Variants in GLI3 observed in about 807,000 individuals in gnomAD.
The protein encoded by GLI3 is transcription activator GLI3.
Under a neutral mutation model 100.8 loss-of-function variants are expected in GLI3, and 20 were observed. That is an observed-to-expected ratio of 0.20 (90% CI 0.14 to 0.29). The LOEUF (loss-of-function observed/expected upper bound fraction) is 0.29, where lower values mean the gene tolerates loss of function less well. GLI3 is among the 10% of genes least tolerant of loss of function. The pLI is 1.00. For synonymous variants in GLI3, 938 were observed against 860.5 expected, an observed-to-expected ratio of 1.09 and a Z score of -1.58; for missense variants, 2,040 against 2,128.5, an observed-to-expected ratio of 0.96 and a Z score of 0.82.
At chr7:42,101,607 A>AT (rs200966478) in intron 3 of GLI3, among the ~76,000 whole-genome samples, 94 of 148,732 alleles carry the variant, frequency 6.3e-4, no homozygotes, top group Middle Eastern at 6.9e-3. Flanking sequence ...CTCTGTCTCA[A>AT]TTTTTTTTTT....
At chr7:42,169,983 C>A (rs1787331141) in intron 2 of GLI3, among the ~76,000 whole-genome samples, 1 of 151,410 alleles carries the variant, frequency 6.6e-6, no homozygotes, top group African/African-American at 2.4e-5. Flanking sequence ...TCAGGCCAGG[C>A]ACAGTGGCTC....
intron 3 of GLI3, among the ~76,000 whole-genome samples, chr7:42,092,006 C>T (rs1318472653): frequency 6.6e-6 from 1 of 152,254 alleles, no homozygotes; most frequent in Admixed American, 6.5e-5. Flanking sequence ...CCTCGAAACC[C>T]TCTGCCTGGG....
intron 3 of GLI3, among the ~76,000 whole-genome samples, chr7:42,139,272 T>C (rs80120070): frequency 6.6e-6 from 1 of 152,364 alleles, no homozygotes; most frequent in East Asian, 1.9e-4. Flanking sequence ...TTATTTCCTA[T>C]GTTTTTTATT....
At chr7:42,223,333 G>GT in intron 1 of GLI3, 38 bp from the exon 2 acceptor site, 3 of 1,120,626 alleles carry the variant, frequency 2.7e-6, no homozygotes, top group Non-Finnish European at 3.8e-6. Flanking sequence ...TTCCAAAATG[G>GT]TGGAAAAAAA....
chr7:42,179,103 G>C (rs186839307), intron 2 of GLI3, among the ~76,000 whole-genome samples: 19 of 152,148 alleles, frequency 1.2e-4, no homozygotes, highest in Admixed American at 1.2e-3. Context: ...AATCATGGGG[G>C]CAGGTCTTTC....
chr7:41,968,559 C>G (rs1178149024), intron 13 of GLI3, among the ~76,000 whole-genome samples: 1 of 152,012 alleles, frequency 6.6e-6, no homozygotes, highest in African/African-American at 2.4e-5. Flanking sequence ...CTCTTTGTAA[C>G]CTCTCCTCCC....
At chr7:42,258,862 T>TG (rs1338904563) in intron 1 of GLI3, among the ~76,000 whole-genome samples, 2 of 152,196 alleles carry the variant, frequency 1.3e-5, no homozygotes, top group Non-Finnish European at 1.5e-5. Context: ...ATATGAATTT[T>TG]GGGGGGACAC....
intron 1 of GLI3, among the ~76,000 whole-genome samples, chr7:42,260,593 T>G (rs2128711818): frequency 6.6e-6 from 1 of 152,302 alleles, no homozygotes; most frequent in East Asian, 1.9e-4. Flanking sequence ...TTTTCTTTAT[T>G]ATATAATTAA....
chr7:42,199,206 A>G (rs1787989567), intron 2 of GLI3, among the ~76,000 whole-genome samples: 1 of 152,228 alleles, frequency 6.6e-6, no homozygotes. Context: ...CTCACCGCAA[A>G]GCTGGGTTAC....
chr7:42,208,774 G>A (rs6945790), intron 2 of GLI3, among the ~76,000 whole-genome samples: 375 of 152,290 alleles, frequency 2.5e-3, no homozygotes, highest in Non-Finnish European at 4.2e-3. Context: ...TTGAAAGAGG[G>A]CCATGATCTG....
At chr7:42,232,417 A>C (rs1788711264) in intron 1 of GLI3, among the ~76,000 whole-genome samples, 1 of 152,242 alleles carries the variant, frequency 6.6e-6, no homozygotes, top group South Asian at 2.1e-4. Flanking sequence ...TTTCAAAGCT[A>C]TAATGGTGTG....
chr7:42,041,717 T>C (rs1784141830), intron 6 of GLI3, among the ~76,000 whole-genome samples: 1 of 152,202 alleles, frequency 6.6e-6, no homozygotes, highest in African/African-American at 2.4e-5. Flanking sequence ...AAGATGGTTC[T>C]TGATACAAGA....
chr7:41,986,627 A>C, intron 10 of GLI3, among the ~76,000 whole-genome samples: 1 of 152,246 alleles, frequency 6.6e-6, no homozygotes, highest in Non-Finnish European at 1.5e-5. Flanking sequence ...ATGAGTATCC[A>C]GAATAGGTAA....
intron 2 of GLI3, among the ~76,000 whole-genome samples, chr7:42,173,383 A>G (rs1220120006): frequency 6.6e-6 from 1 of 152,112 alleles, no homozygotes; most frequent in African/African-American, 2.4e-5. Context: ...CATTAATATG[A>G]CTTGTTCAGT....
intron 2 of GLI3, among the ~76,000 whole-genome samples, chr7:42,222,035 G>A (rs1471964534): frequency 6.6e-6 from 1 of 152,204 alleles, no homozygotes; most frequent in Admixed American, 6.5e-5. Flanking sequence ...GAAACCGGGT[G>A]AAGAAGTGCA....
intron 2 of GLI3, among the ~76,000 whole-genome samples, chr7:42,218,501 T>A (rs756400015): frequency 1.8e-4 from 27 of 149,124 alleles, no homozygotes; most frequent in Non-Finnish European, 3.0e-4. Context: ...ACAACACCCA[T>A]GCAATGGACA....
At chr7:42,144,588 A>C (rs1019782846) in intron 3 of GLI3, among the ~76,000 whole-genome samples, 3 of 151,948 alleles carry the variant, frequency 2.0e-5, no homozygotes, top group African/African-American at 4.8e-5. Flanking sequence ...TTTTTGCCTA[A>C]CTACAATTTC....
chr7:42,177,364 G>T (rs1787501719), intron 2 of GLI3, among the ~76,000 whole-genome samples: 1 of 152,162 alleles, frequency 6.6e-6, no homozygotes, highest in Non-Finnish European at 1.5e-5. Flanking sequence ...AAGATTTCAT[G>T]ACCTTGGCCT....
intron 3 of GLI3, among the ~76,000 whole-genome samples, chr7:42,141,391 T>C (rs1786563815): frequency 6.6e-6 from 1 of 152,152 alleles, no homozygotes; most frequent in South Asian, 2.1e-4. Context: ...CCCTGCCTTA[T>C]GCCAGTGAGG....
Sources: allele counts gnomAD v4.1 joint callset (sites outside exome capture counted in the v4.1 genomes callset), GRCh38; gene constraint gnomAD v4.1.1; transcripts MANE v1.5; gene names NCBI Gene and HGNC (gene_info 2026-07-23, HGNC 2026-07-21).